Variants in RABGAP1L observed in about 807,000 individuals in gnomAD.
RABGAP1L encodes RAB GTPase activating protein 1 like.
A neutral mutation model predicts 137.7 loss-of-function variants in RABGAP1L; 63 were observed. That is an observed-to-expected ratio of 0.46 (90% CI 0.37 to 0.56). The LOEUF (loss-of-function observed/expected upper bound fraction) is 0.56. Ranked by LOEUF, RABGAP1L falls within the 20% of genes least tolerant of loss-of-function variation. RABGAP1L has a pLI of 0.00. For synonymous variants in RABGAP1L, 431 were observed against 433.7 expected, an observed-to-expected ratio of 0.99 and a Z score of 0.08; for missense variants, 1,095 against 1,244.0, an observed-to-expected ratio of 0.88 and a Z score of 1.80.
At chr1:174,161,102 A>G (rs1424762433) in intron 1 of RABGAP1L, among the ~76,000 whole-genome samples, 2 of 152,164 alleles carry the variant, frequency 1.3e-5, no homozygotes, top group East Asian at 3.9e-4. Flanking sequence ...TGGTGTCTAT[A>G]CTAAATCAGT....
At chr1:174,793,383 A>G (rs940089205) in intron 18 of RABGAP1L, among the ~76,000 whole-genome samples, 7 of 152,220 alleles carry the variant, frequency 4.6e-5, no homozygotes, top group African/African-American at 1.7e-4. Flanking sequence ...TAAATTTTAC[A>G]AGGTTAGAGC....
intron 1 of RABGAP1L, among the ~76,000 whole-genome samples, chr1:174,212,598 C>T (rs942851864): frequency 1.3e-5 from 2 of 151,796 alleles, no homozygotes; most frequent in Non-Finnish European, 2.9e-5. Context: ...AGAAGAAAAA[C>T]TTCAAGTAAG....
chr1:174,874,221 TTTCTATCAAATAAACCTATTTGATATC>T (rs72100451), intron 19 of RABGAP1L, among the ~76,000 whole-genome samples: 107 of 148,640 alleles, frequency 7.2e-4, no homozygotes, highest in Admixed American at 1.1e-3. Context: ...AATAAACCTA[TTTCTATCAAATAAACCTATTTGATATC>T]TTCTATCAAA....
At chr1:174,570,659 G>C (rs554712000) in intron 13 of RABGAP1L, among the ~76,000 whole-genome samples, 1 of 152,048 alleles carries the variant, frequency 6.6e-6, no homozygotes, top group East Asian at 1.9e-4. Context: ...TGTCCCCTCT[G>C]AATCTAAAAT....
chr1:174,436,883 C>A (rs193085120), intron 13 of RABGAP1L, among the ~76,000 whole-genome samples: 1 of 140,042 alleles, frequency 7.1e-6, no homozygotes, highest in East Asian at 2.1e-4. Context: ...TCCAGAGGAA[C>A]GATCAGGCAG....
intron 4 of RABGAP1L, among the ~76,000 whole-genome samples, chr1:174,239,273 C>T (rs916199975): frequency 5.9e-5 from 9 of 152,186 alleles, no homozygotes; most frequent in East Asian, 1.9e-4. Context: ...TGTTCCTATT[C>T]GGCCATCTTG....
intron 19 of RABGAP1L, among the ~76,000 whole-genome samples, chr1:174,906,340 A>G (rs1659085968): frequency 1.3e-5 from 2 of 152,166 alleles, no homozygotes; most frequent in Non-Finnish European, 2.9e-5. Context: ...TCAAAAAATA[A>G]TAATAGGCTG....
At chr1:174,534,877 G>A (rs1223015317) in intron 13 of RABGAP1L, among the ~76,000 whole-genome samples, 1 of 151,510 alleles carries the variant, frequency 6.6e-6, no homozygotes, top group Non-Finnish European at 1.5e-5. Context: ...GAAAATAAGG[G>A]TTACTTGAAC....
At chr1:174,519,197 TACAC>T (rs902730245) in intron 13 of RABGAP1L, among the ~76,000 whole-genome samples, 2 of 149,002 alleles carry the variant, frequency 1.3e-5, no homozygotes, top group African/African-American at 4.9e-5. Context: ...TATATATATA[TACAC>T]ACACATACAT....
chr1:174,903,420 AT>A (rs754126006), intron 19 of RABGAP1L, among the ~76,000 whole-genome samples: 9 of 152,146 alleles, frequency 5.9e-5, no homozygotes, highest in Non-Finnish European at 1.2e-4. Flanking sequence ...CAGATAATGC[AT>A]TTTTCTTTAT....
chr1:174,768,566 AC>A (rs1349086018), intron 18 of RABGAP1L, among the ~76,000 whole-genome samples: 1 of 152,106 alleles, frequency 6.6e-6, no homozygotes, highest in East Asian at 1.9e-4. Context: ...ATGCGGCCCC[AC>A]CCCAGGGCTA....
intron 2 of RABGAP1L, among the ~76,000 whole-genome samples, chr1:174,220,307 AT>A (rs1158104550): frequency 1.3e-5 from 2 of 152,028 alleles, no homozygotes; most frequent in Non-Finnish European, 2.9e-5. Context: ...AAATTTACCT[AT>A]TTTTTCCTTT....
intron 1 of RABGAP1L, among the ~76,000 whole-genome samples, chr1:174,186,754 A>T (rs1666833401): frequency 6.6e-6 from 1 of 152,252 alleles, no homozygotes. Flanking sequence ...GTTAGGAGTC[A>T]TAAAAACATA....
At chr1:174,588,908 C>T (rs1205725944) in intron 13 of RABGAP1L, among the ~76,000 whole-genome samples, 1 of 152,162 alleles carries the variant, frequency 6.6e-6, no homozygotes, top group Non-Finnish European at 1.5e-5. Flanking sequence ...CCACAGTAAA[C>T]ATAGGAGTGC....
chr1:174,280,469 C>T (rs1417126354), intron 10 of RABGAP1L, among the ~76,000 whole-genome samples: 1 of 152,172 alleles, frequency 6.6e-6, no homozygotes, highest in African/African-American at 2.4e-5. Context: ...AGAACTTGTC[C>T]TGTACCCAGA....
In RABGAP1L at chr1:174,989,895, C is replaced by T. The variant is rs1455187131; in HGVS notation, c.3050C>T (p.Ala1017Val). 21 of 1,550,370 alleles carry T rather than the reference C, an allele frequency of 1.4e-5. No individual in the cohort carries two copies. The highest frequency in any genetic ancestry group is 2.4e-5 in the East Asian group (1 of 40,932). ...RGALMNEIQA[A>V]KNSWFSKTLN... is the part of the protein sequence containing the mutation. The stretch of plus-strand genomic sequence containing the variant: ...GCCCTTATGAATGAAATCCAAGCTG[C>T]GAAAAACTCTTGGTTTAGCAAAACC... The change falls in exon 26 of 26, where the codon GCG becomes GTG. Residue 1017 changes from alanine (A) to valine (V), a missense_variant. Transcript: ENST00000681986.
rs1418758379 is a variant in RABGAP1L at position 174,329,787 on chromosome 1, A to G, written c.1465+24660A>G. Among the ~76,000 whole-genome samples the G allele has an allele frequency of 1.3e-5, 2 of 152,086 alleles. 1 individual carries two copies. The highest frequency in any genetic ancestry group is 4.8e-5 in the African/African-American group (2 of 41,372). On this transcript the variant is annotated intron_variant, in intron 11 of 25. Coordinates refer to ENST00000681986, the MANE Select transcript of RABGAP1L (RefSeq NM_001366446.1). ...GACAGACTTCATCTTTTTGTGATAA[A>G]GCTTCCAGCAAATTATGTTCAGAAG...
intron 18 of RABGAP1L, chr1:174,756,790 G>A (rs960446161): frequency 2.9e-5 from 14 of 483,664 alleles, no homozygotes; most frequent in Non-Finnish European, 5.7e-5. Context: ...CAGGGGAGGA[G>A]TCCCTACTCG....
At chr1:174,632,612 A>T (rs1002749192) in intron 13 of RABGAP1L, among the ~76,000 whole-genome samples, 15 of 149,148 alleles carry the variant, frequency 1.0e-4, no homozygotes, top group African/African-American at 3.8e-4. Context: ...TTTTTTCTCT[A>T]AACTTCCCTT....
Sources: gnomAD v4.1 joint callset for allele counts (sites outside exome capture counted in the v4.1 genomes callset) on GRCh38, gnomAD v4.1.1 for gene constraint, MANE v1.5 for transcripts, NCBI Gene and HGNC (gene_info 2026-07-23, HGNC 2026-07-21) for gene names.